Variants in PSD2 observed in about 807,000 individuals in gnomAD.
PSD2 encodes the protein PH and SEC7 domain-containing protein 2.
In PSD2, 38 loss-of-function variants were observed where a neutral mutation model predicts 69.8. The observed-to-expected ratio is 0.54, with a 90% CI of 0.42 to 0.71. The LOEUF (loss-of-function observed/expected upper bound fraction) is 0.71. PSD2 is among the 30% of genes least tolerant of loss of function. PSD2 has a pLI of 0.00. For missense variants in PSD2, 943 were observed against 1,014.5 expected, an observed-to-expected ratio of 0.93 and a Z score of 0.96; for synonymous variants, 412 against 423.0, an observed-to-expected ratio of 0.97 and a Z score of 0.32.
the PSD2 span, among the ~76,000 whole-genome samples, chr5:139,755,067 T>C: frequency 1.3e-5 from 2 of 152,170 alleles, no homozygotes; most frequent in Non-Finnish European, 2.9e-5. Context: ...GGGGAGGAGT[T>C]GAACCCCATT....
In PSD2 at chr5:139,837,308, C is replaced by A; in HGVS notation, c.1665+70C>A. ...GTCCCATCCCGCCCTGGCCTTGTGG[C>A]ACCCCGAAGCCCCAGGCAGGACCTG... is the stretch of plus-strand genomic sequence containing the variant. On this transcript the variant is annotated intron_variant, in intron 11 of 14. Transcript: ENST00000274710. This position sits in a 1 kb window ranked among gnomAD's most constrained non-coding sequence, Gnocchi z 5.0. 1 of 1,344,270 alleles carries A rather than the reference C, an allele frequency of 7.4e-7. No homozygotes were observed. Among genetic ancestry groups the A allele is most frequent in the Non-Finnish European group, 9.9e-7 (1 of 1,010,296 alleles). 83.3% of individuals were successfully genotyped at this position (1,344,270 alleles called of 1,614,324 possible).
chr5:139,750,304 G>A, the PSD2 span, among the ~76,000 whole-genome samples: 5 of 152,076 alleles, frequency 3.3e-5, no homozygotes, highest in East Asian at 7.7e-4. Flanking sequence ...CAGCCTGGGC[G>A]ACAGAGCAAG....
At chr5:139,804,449 G>C (rs906192798) in intron 1 of PSD2, among the ~76,000 whole-genome samples, 7 of 152,198 alleles carry the variant, frequency 4.6e-5, no homozygotes, top group Admixed American at 6.5e-5. Flanking sequence ...TCTAAATGTT[G>C]CACACATTTG....
Position 139,814,974 on chromosome 5 carries a change from C to T in PSD2, c.1016+610C>T, listed in dbSNP as rs976515. Reference sequence around the variant, plus strand: ...GACCACCAGTGTGACCACCCACCACCTGCCCCTGGCCCTTTCATCCAGATT... The same window carrying T: ...GACCACCAGTGTGACCACCCACCACTTGCCCCTGGCCCTTTCATCCAGATT... On this transcript the variant is annotated intron_variant, in intron 4 of 14. Coordinates refer to ENST00000274710, the MANE Select transcript of PSD2 (RefSeq NM_032289.4). This position sits in a 1 kb window ranked among gnomAD's most constrained non-coding sequence, Gnocchi z 4.4. Among the ~76,000 whole-genome samples the T allele has an allele frequency of 0.27, 41,026 of 152,092 alleles. 6,038 individuals are homozygous for T. The highest frequency in any genetic ancestry group is 0.39 in the African/African-American group (16,242 of 41,458).
the PSD2 span, among the ~76,000 whole-genome samples, chr5:139,770,611 C>T: frequency 2.6e-5 from 4 of 152,128 alleles, no homozygotes; most frequent in Admixed American, 6.5e-5. Flanking sequence ...GCCCAGGAAC[C>T]CTGCTATAGC....
At chr5:139,790,157 G>A in the PSD2 span, among the ~76,000 whole-genome samples, 49 of 152,260 alleles carry the variant, frequency 3.2e-4, no homozygotes, top group African/African-American at 6.0e-4. Context: ...GGGAGCTCGC[G>A]CCTGTAATCC....
rs1016425772 is a variant in PSD2, at chr5:139,802,623, G to T, written c.-51+6648G>T. On this transcript the variant is annotated intron_variant, in intron 1 of 14. Coordinates refer to ENST00000274710, the MANE Select transcript of PSD2 (RefSeq NM_032289.4). ...TGACCAAGACAGCTTAGTCCTTTGT[G>T]GTTCCTGATAACTGAGGGTTCACCC... 1.1e-4 allele frequency among the ~76,000 whole-genome samples: 16 copies of T among 152,044 alleles called. No individual in the cohort carries two copies. The East Asian group carries it at 2.9e-3, about 28-fold the overall frequency.
the PSD2 span, among the ~76,000 whole-genome samples, chr5:139,768,602 A>T: frequency 6.6e-6 from 1 of 152,092 alleles, no homozygotes; most frequent in South Asian, 2.1e-4. Context: ...GCATGCCTGT[A>T]ATCCCAGCTA....
chr5:139,811,112 G>T (rs1275420117), intron 2 of PSD2, among the ~76,000 whole-genome samples: 1 of 152,134 alleles, frequency 6.6e-6, no homozygotes, highest in Non-Finnish European at 1.5e-5. Context: ...TGGTGGCCAG[G>T]GCAACGAACC....
At chr5:139,758,424 G>A in the PSD2 span, among the ~76,000 whole-genome samples, 1 of 152,156 alleles carries the variant, frequency 6.6e-6, no homozygotes, top group Non-Finnish European at 1.5e-5. Flanking sequence ...CAGGGGGTTA[G>A]GCTGTAAAGT....
Position 139,842,484 on chromosome 5 carries a change from A to T in PSD2, c.*10A>T, listed in dbSNP as rs769078728. The T allele has an allele frequency of 2.5e-6, 4 of 1,610,408 alleles. No individual in the cohort carries two copies. In the South Asian group the frequency reaches 4.4e-5, roughly 18 times the overall value. ...TGGGCCTGATACTTAGCTGACATGG[A>T]TTTGCAGACCCCAGGGTGGGCAGAT... On this transcript the variant is annotated 3_prime_UTR_variant, in exon 15 of 15. Coordinates refer to ENST00000274710, the MANE Select transcript of PSD2 (RefSeq NM_032289.4).
the PSD2 span, chr5:139,772,830 G>T: frequency 6.6e-6 from 1 of 152,142 alleles, no homozygotes; most frequent in African/African-American, 2.4e-5. Flanking sequence ...TGTTTGTTCA[G>T]TATCTTTTTC....
At chr5:139,742,988 G>A in the PSD2 span, among the ~76,000 whole-genome samples, 1 of 152,244 alleles carries the variant, frequency 6.6e-6, no homozygotes, top group Non-Finnish European at 1.5e-5. Flanking sequence ...GTTGGATCAT[G>A]AAGAGGACTT....
intron 14 of PSD2, among the ~76,000 whole-genome samples, chr5:139,840,437 C>T (rs1760845725): frequency 6.6e-6 from 1 of 152,186 alleles, no homozygotes; most frequent in Non-Finnish European, 1.5e-5. Context: ...AATTTCTAAC[C>T]CCTTTAATAA....
chr5:139,746,670 T>G, the PSD2 span, among the ~76,000 whole-genome samples: 1 of 152,178 alleles, frequency 6.6e-6, no homozygotes, highest in Non-Finnish European at 1.5e-5. The surrounding 1 kb of genome is among the most constrained non-coding windows in gnomAD (Gnocchi z 4.5). Context: ...ATCTGCCCGC[T>G]GGACTGATGC....
chr5:139,779,672 A>T, the PSD2 span, among the ~76,000 whole-genome samples: 1 of 152,170 alleles, frequency 6.6e-6, no homozygotes, highest in African/African-American at 2.4e-5. Context: ...TATTTCCATC[A>T]CTCCAAAAAG....
In PSD2 at chr5:139,817,570, G is replaced by A; in HGVS notation, c.1097+9G>A. On this transcript the variant is annotated intron_variant, in intron 5 of 14. Coordinates refer to ENST00000274710, the MANE Select transcript of PSD2 (RefSeq NM_032289.4). ...CTGGACGGAGCACTCAGGTCAGTGG[G>A]GCTGGGACAGGCAGTGCCCACAAGT... is the stretch of plus-strand genomic sequence containing the variant. 6.2e-7 allele frequency: 1 copy of A among 1,609,514 alleles called. No homozygotes were observed.
the PSD2 span, among the ~76,000 whole-genome samples, chr5:139,770,417 G>A: frequency 6.4e-4 from 97 of 152,182 alleles, no homozygotes; most frequent in Middle Eastern, 3.4e-3. Context: ...TTAGCTGGTC[G>A]TGGTGGCAGG....
At chr5:139,801,900 G>T (rs112898774) in intron 1 of PSD2, among the ~76,000 whole-genome samples, 247 of 152,278 alleles carry the variant, frequency 1.6e-3, no homozygotes, top group African/African-American at 5.7e-3. Context: ...CCTGCCCCAT[G>T]TACAGCACAT....
Sources: gnomAD v4.1 joint callset for allele counts (sites outside exome capture counted in the v4.1 genomes callset) on GRCh38, gnomAD v4.1.1 for gene constraint, Gnocchi (gnomAD v3.1) non-coding constraint, MANE v1.5 for transcripts, NCBI Gene and HGNC (gene_info 2026-07-23, HGNC 2026-07-21) for gene names.